PLAAT3: variants seen among roughly 807,000 people sequenced by gnomAD.
PLAAT3 encodes phospholipase A and acyltransferase 3.
PLAAT3 carries 21 observed loss-of-function variants against 16.7 expected under a neutral mutation model. The observed-to-expected ratio is 1.26, with a 90% CI of 0.89 to 1.81. PLAAT3 has a LOEUF of 1.81. PLAAT3 is among the 40% of genes most tolerant of loss of function. The pLI is 0.00. For missense variants in PLAAT3, 219 were observed against 213.7 expected, an observed-to-expected ratio of 1.02 and a Z score of -0.16; for synonymous variants, 76 against 81.7, an observed-to-expected ratio of 0.93 and a Z score of 0.38.
At position 63,613,987 on chromosome 11, in the gene PLAAT3, G is replaced by GTT; in HGVS notation, c.15+12_15+13insAA. 7.0e-7 allele frequency: 1 copy of GTT among 1,425,308 alleles called. No homozygotes were observed. Among genetic ancestry groups the GTT allele is most frequent in the Non-Finnish European group, 9.9e-7 (1 of 1,007,452 alleles). The allele number at this position is 1,425,308 out of a possible 1,614,324, so 88.3% of individuals were successfully genotyped here. ...TCCCAGCCCCGCCCAGCCCCGCCTC[G>GTT]CCCCGCACTTACAATGGGCGCACGC... On this transcript the variant is annotated intron_variant, in intron 2 of 4. Coordinates refer to ENST00000415826, the MANE Select transcript of PLAAT3 (RefSeq NM_001128203.2).
intron 4 of PLAAT3, 119 bp downstream of exon 4, chr11:63,589,981 G>T: frequency 7.7e-6 from 6 of 776,476 alleles, no homozygotes; most frequent in Non-Finnish European, 1.2e-5. Flanking sequence ...ACATCCTCAA[G>T]GGCAGTAATT....
At chr11:63,610,086 C>G (rs141137494) in intron 2 of PLAAT3, among the ~76,000 whole-genome samples, 1 of 152,372 alleles carries the variant, frequency 6.6e-6, no homozygotes, top group Non-Finnish European at 1.5e-5. Flanking sequence ...CGCAGCAGAT[C>G]TGCCTGAGCT....
intron 3 of PLAAT3, among the ~76,000 whole-genome samples, chr11:63,597,349 C>T (rs1373855939): frequency 1.3e-5 from 2 of 151,888 alleles, no homozygotes; most frequent in African/African-American, 2.4e-5. Flanking sequence ...ACGGTGAAAC[C>T]CCGTCTCTAC....
At chr11:63,595,219 A>T (rs1275471345) in intron 3 of PLAAT3, among the ~76,000 whole-genome samples, 3 of 144,756 alleles carry the variant, frequency 2.1e-5, no homozygotes, top group Non-Finnish European at 4.5e-5. Flanking sequence ...TAAAAGCAGG[A>T]GGTGGAGGTT....
At chr11:63,581,587 G>C (rs1024357647) in intron 4 of PLAAT3, among the ~76,000 whole-genome samples, 4 of 152,218 alleles carry the variant, frequency 2.6e-5, no homozygotes, top group African/African-American at 9.7e-5. Flanking sequence ...GCAGGACACA[G>C]ACCCTCATCA....
chr11:63,604,119 T>A (rs1938500001), intron 2 of PLAAT3, among the ~76,000 whole-genome samples: 1 of 152,218 alleles, frequency 6.6e-6, no homozygotes, highest in African/African-American at 2.4e-5. Flanking sequence ...GCCACTGCAC[T>A]CCAGCCTTTT....
At chr11:63,614,179 C>T (rs1342851713) in intron 1 of PLAAT3, 111 bp from the exon 2 acceptor site, 2 of 853,148 alleles carry the variant, frequency 2.3e-6, no homozygotes, top group African/African-American at 3.4e-5. Context: ...CCTCGGACCC[C>T]AGGAACAACC....
intron 4 of PLAAT3, among the ~76,000 whole-genome samples, chr11:63,587,331 T>C (rs1187410653): frequency 6.6e-6 from 1 of 151,658 alleles, no homozygotes; most frequent in Admixed American, 6.6e-5. Flanking sequence ...AAAGAAAAAA[T>C]AGATCACATA....
chr11:63,598,685 T>C (rs1295006628), intron 2 of PLAAT3: 2 of 518,366 alleles, frequency 3.9e-6, no homozygotes, highest in Non-Finnish European at 7.7e-6. Flanking sequence ...CCACCAGTTA[T>C]GTGACTAGAG....
chr11:63,615,132 G>GTGTA (rs1322981424), upstream of PLAAT3, among the ~76,000 whole-genome samples: 64 of 9,080 alleles, frequency 7.0e-3, 21 homozygotes, highest in East Asian at 0.21. Flanking sequence ...GTGTATATAT[G>GTGTA]TATATGTGTA....
intron 2 of PLAAT3, among the ~76,000 whole-genome samples, chr11:63,605,745 C>G (rs1171396993): frequency 6.6e-6 from 1 of 151,848 alleles, no homozygotes; most frequent in Non-Finnish European, 1.5e-5. Context: ...GTAGAGACAG[C>G]GTTTCACCAT....
intron 4 of PLAAT3, among the ~76,000 whole-genome samples, chr11:63,578,496 A>G (rs1937689406): frequency 6.6e-6 from 1 of 152,218 alleles, no homozygotes; most frequent in Non-Finnish European, 1.5e-5. Flanking sequence ...CAAGAAGACA[A>G]TGGAGCAGTA....
intron 3 of PLAAT3, among the ~76,000 whole-genome samples, chr11:63,592,881 CAGA>C (rs1938187937): frequency 6.6e-6 from 1 of 152,210 alleles, no homozygotes; most frequent in African/African-American, 2.4e-5. Flanking sequence ...TTCTCAGCAG[CAGA>C]AGGTCAGTCC....
intron 2 of PLAAT3, among the ~76,000 whole-genome samples, chr11:63,607,808 G>A (rs1310896283): frequency 6.6e-6 from 1 of 151,982 alleles, no homozygotes; most frequent in East Asian, 1.9e-4. Context: ...CTTCCACTGT[G>A]GTGAGTGGGA....
Position 63,614,375 on chromosome 11 carries a change from A to C in PLAAT3, c.-55+10T>G, listed in dbSNP as rs2030730. ...TATCGCACCCTTCCAGGAAGACCCGATCCACCCACCTCGCGGTCTCGGAGG... is the reference window on the plus strand; with the variant it reads ...TATCGCACCCTTCCAGGAAGACCCGCTCCACCCACCTCGCGGTCTCGGAGG... On this transcript the variant is annotated intron_variant, in intron 1 of 4. Transcript: ENST00000415826. 1 allele frequency: 272,171 copies of C among 272,222 alleles called. 136,060 individuals carry two copies. The highest frequency in any genetic ancestry group is 1 in the Non-Finnish European group (143,828 of 143,828). The allele number at this position is 272,222 out of a possible 1,614,324, so 16.9% of individuals were successfully genotyped here.
intron 4 of PLAAT3, among the ~76,000 whole-genome samples, chr11:63,585,706 C>T (rs1937954217): frequency 6.6e-6 from 1 of 152,108 alleles, no homozygotes; most frequent in Admixed American, 6.5e-5. Context: ...TAGAATTGTT[C>T]ATGCTGTTTC....
intron 2 of PLAAT3, among the ~76,000 whole-genome samples, chr11:63,608,926 C>T (rs1938629219): frequency 6.6e-6 from 1 of 152,142 alleles, no homozygotes; most frequent in Admixed American, 6.5e-5. Context: ...AGGTACAGCA[C>T]CTGATTTGTG....
intron 2 of PLAAT3, among the ~76,000 whole-genome samples, chr11:63,610,290 C>G (rs1165516245): frequency 6.6e-6 from 1 of 152,238 alleles, no homozygotes; most frequent in Non-Finnish European, 1.5e-5. Flanking sequence ...AATGCATCCC[C>G]TGATGCCTCA....
At chr11:63,591,361 AAC>A (rs2134409286) in intron 3 of PLAAT3, among the ~76,000 whole-genome samples, 1 of 152,316 alleles carries the variant, frequency 6.6e-6, no homozygotes, top group South Asian at 2.1e-4. Context: ...CGACCTGGAC[AAC>A]AGAGTGAGAT....
Sources: allele counts gnomAD v4.1 joint callset (sites outside exome capture counted in the v4.1 genomes callset), GRCh38; gene constraint gnomAD v4.1.1; transcripts MANE v1.5; gene names NCBI Gene and HGNC (gene_info 2026-07-23, HGNC 2026-07-21).